The following FMN1 variants were observed in gnomAD, a reference collection of about 807,000 sequenced individuals.
FMN1 encodes formin 1.
Under a neutral mutation model 132.4 loss-of-function variants are expected in FMN1, and 110 were observed. That is an observed-to-expected ratio of 0.83 (90% CI 0.71 to 0.97). The LOEUF (loss-of-function observed/expected upper bound fraction) is 0.97. Among genes scored for constraint, FMN1 ranks in the 50% least tolerant of loss-of-function variants. FMN1 has a pLI of 0.00. For missense variants in FMN1, 1,792 were observed against 1,705.3 expected (o/e 1.05, Z -0.90); for synonymous variants, 722 against 651.7 (o/e 1.11, Z -1.64).
chr15:33,162,219 T>G (rs1011893541), intron 3 of FMN1, among the ~76,000 whole-genome samples: 2 of 152,022 alleles, frequency 1.3e-5, no homozygotes, highest in African/African-American at 4.8e-5. Flanking sequence ...TGCCATGTTG[T>G]GCAGCCTGGT....
chr15:33,049,011 A>T lies in FMN1; in HGVS notation c.2161+15946T>A, dbSNP rs559202095. Among the ~76,000 whole-genome samples the T allele has an allele frequency of 3.5e-4, 54 of 152,342 alleles. 1 individual carries two copies. In the South Asian group the frequency reaches 0.011, roughly 32 times the overall value. Reference sequence around the variant, plus strand: ...TGTGGATTTTCTTTCCTAAATTTAGACGGTTAAAGGATTGTTTTAAATTAG... The same window carrying T: ...TGTGGATTTTCTTTCCTAAATTTAGTCGGTTAAAGGATTGTTTTAAATTAG... On this transcript the variant is annotated intron_variant, in intron 6 of 20. Transcript: ENST00000616417.
chr15:33,008,053 G>C lies in FMN1; in HGVS notation c.2184C>G (p.His728Gln), dbSNP rs1214139241. 1 of 1,599,650 alleles carries C rather than the reference G, an allele frequency of 6.3e-7. No homozygotes were observed. The highest frequency in any genetic ancestry group is 8.5e-7 in the Non-Finnish European group (1 of 1,172,146). Reference protein sequence around the residue: ...TEAEYQAAILHLKREHKEEIE... With the variant: ...TEAEYQAAILQLKREHKEEIE... ...TTTCTTCTTTGTGCTCCCTCTTCAA[G>C]TGTAAAATAGCAGCTTGGTATTCTG... Residue 728 changes from histidine (H) to glutamine (Q), a missense_variant, in exon 7 of 21, where the codon CAC becomes CAG. His to Gln is a conservative substitution (Grantham distance 24). Around this residue, in one of 3 missense-constraint regions of FMN1, gnomAD observed 1,150 missense variants for 1,043.1 expected, o/e 1.10. Coordinates refer to ENST00000616417, the MANE Select transcript of FMN1 (RefSeq NM_001277313.2).
intron 2 of FMN1, among the ~76,000 whole-genome samples, chr15:33,188,002 A>G (rs994972972): frequency 6.6e-6 from 1 of 152,158 alleles, no homozygotes; most frequent in African/African-American, 2.4e-5. Context: ...GGATTTGTAC[A>G]TCATGCACTG....
intron 6 of FMN1, among the ~76,000 whole-genome samples, chr15:33,048,650 C>CAAAAAAAAAAA (rs2036824599): frequency 8.0e-5 from 2 of 25,114 alleles, no homozygotes; most frequent in Non-Finnish European, 1.2e-4. Flanking sequence ...AAAAAAAAAA[C>CAAAAAAAAAAA]CAACAGTTTA....
chr15:33,101,133 A>T (rs2039278489), intron 4 of FMN1, among the ~76,000 whole-genome samples: 1 of 152,202 alleles, frequency 6.6e-6, no homozygotes, highest in African/African-American at 2.4e-5. Context: ...GTAAAAAGGT[A>T]GAAAATGGAT....
intron 6 of FMN1, among the ~76,000 whole-genome samples, chr15:33,018,171 C>T (rs1466272930): frequency 6.6e-6 from 1 of 152,104 alleles, no homozygotes; most frequent in Non-Finnish European, 1.5e-5. Context: ...AGGCAGAGCC[C>T]TTGTGCATGA....
rs114896769 is a variant in FMN1, at chr15:33,049,331, T to C, written c.2161+15626A>G. Among the ~76,000 whole-genome samples the C allele has an allele frequency of 1.4e-3, 216 of 152,302 alleles. 1 individual carries two copies. The highest frequency in any genetic ancestry group is 5.1e-3 in the African/African-American group (210 of 41,540). On this transcript the variant is annotated intron_variant, in intron 6 of 20. Transcript: ENST00000616417. ...GTCACTTGTGGTAAATGTGACATTA[T>C]CAAACTGAGACTTTAAGGAAACACA...
At position 32,814,459 on chromosome 15, in the gene FMN1, C is replaced by T. The variant is rs1393457749; in HGVS notation, c.3929-10127G>A. Among the ~76,000 whole-genome samples the T allele has an allele frequency of 1.3e-5, 2 of 152,184 alleles. 1 individual carries two copies. Among genetic ancestry groups the T allele is most frequent in the Admixed American group, 1.3e-4 (2 of 15,280 alleles). On this transcript the variant is annotated intron_variant, in intron 17 of 20. Transcript: ENST00000616417. ...CTTATACAATACTTTAGAAGTATTT[C>T]AGGTGTCATGTAGGGAAACTAAACT...
At chr15:33,023,537 T>C (rs2035522599) in intron 6 of FMN1, among the ~76,000 whole-genome samples, 1 of 152,172 alleles carries the variant, frequency 6.6e-6, no homozygotes, top group Non-Finnish European at 1.5e-5. Flanking sequence ...AATTCTGATA[T>C]ATTAGAAACA....
intron 10 of FMN1, among the ~76,000 whole-genome samples, chr15:32,917,313 A>G (rs767944933): frequency 5.9e-5 from 9 of 152,180 alleles, no homozygotes; most frequent in Non-Finnish European, 1.2e-4. Context: ...ACTGGACACT[A>G]GGTTCCACCT....
intron 4 of FMN1, among the ~76,000 whole-genome samples, chr15:33,101,004 C>T (rs999975124): frequency 1.3e-5 from 2 of 152,104 alleles, no homozygotes; most frequent in Non-Finnish European, 2.9e-5. Flanking sequence ...AAAATGTTAG[C>T]AACAAGTTTC....
At chr15:32,825,696 C>T (rs967641971) in intron 17 of FMN1, among the ~76,000 whole-genome samples, 2 of 152,230 alleles carry the variant, frequency 1.3e-5, no homozygotes, top group African/African-American at 4.8e-5. Flanking sequence ...ACCTGACACA[C>T]TGCTGACTCT....
chr15:33,181,707 C>CTTTTTTTTTTTT (rs753993602), intron 2 of FMN1, among the ~76,000 whole-genome samples: 18 of 126,208 alleles, frequency 1.4e-4, no homozygotes, highest in Non-Finnish European at 2.0e-4. Context: ...TTTTTTCTTT[C>CTTTTTTTTTTTT]TTTTTTTTTT....
intron 19 of FMN1, among the ~76,000 whole-genome samples, chr15:32,783,083 A>G (rs916397091): frequency 5.3e-5 from 8 of 152,120 alleles, no homozygotes; most frequent in Non-Finnish European, 1.2e-4. Context: ...TAGAAGCCCA[A>G]ACCCTGCCAC....
chr15:33,071,907 A>G (rs1382878715), intron 5 of FMN1, among the ~76,000 whole-genome samples: 1 of 152,196 alleles, frequency 6.6e-6, no homozygotes, highest in Admixed American at 6.5e-5. Flanking sequence ...TCTCTTGGAC[A>G]TTATCTCAGT....
intron 4 of FMN1, among the ~76,000 whole-genome samples, chr15:33,149,416 A>T (rs1270898699): frequency 6.6e-6 from 1 of 152,164 alleles, no homozygotes; most frequent in South Asian, 2.1e-4. Flanking sequence ...TTATTTAACC[A>T]TTTCTCTAAT....
intron 6 of FMN1, among the ~76,000 whole-genome samples, chr15:33,043,186 C>A (rs566953362): frequency 1.1e-4 from 16 of 152,354 alleles, no homozygotes; most frequent in South Asian, 2.1e-4. Context: ...TGCCCAATCA[C>A]AGGATCACGA....
At position 32,979,378 on chromosome 15, in the gene FMN1, A is replaced by AC. The variant is rs2032459423; in HGVS notation, c.2224-9902dup. On this transcript the variant is annotated intron_variant, in intron 7 of 20. Transcript: ENST00000616417. The stretch of plus-strand genomic sequence containing the variant: ...AGACCATCCTGGCTAACATGGTGAA[A>AC]CCCCGTCTCTACTAAAAAATACAAA... Among the ~76,000 whole-genome samples, 6 of 151,970 alleles carry AC rather than the reference A, an allele frequency of 3.9e-5. No individual in the cohort carries two copies. The South Asian group carries it at 1.3e-3, about 32-fold the overall frequency.
intron 3 of FMN1, among the ~76,000 whole-genome samples, chr15:33,171,880 T>C (rs532566221): frequency 1.3e-5 from 2 of 152,298 alleles, no homozygotes; most frequent in East Asian, 3.9e-4. Context: ...TGTACAGCCA[T>C]GAATAGTATT....
Sources: allele counts gnomAD v4.1 joint callset (sites outside exome capture counted in the v4.1 genomes callset), GRCh38; gene constraint gnomAD v4.1.1; regional missense constraint gnomAD v4.1.1; transcripts MANE v1.5; gene names NCBI Gene and HGNC (gene_info 2026-07-23, HGNC 2026-07-21).